Variants in TEC observed in about 807,000 individuals in gnomAD.
The protein encoded by TEC is tyrosine-protein kinase Tec.
In TEC, 72 loss-of-function variants were observed where a neutral mutation model predicts 93.0. The ratio of observed to expected loss-of-function variants is 0.77; its 90% confidence interval spans 0.64 to 0.94. The LOEUF is 0.94. TEC is among the 40% of genes least tolerant of loss of function. The pLI, the probability that TEC is intolerant of heterozygous loss-of-function variation, is 0.00. For missense variants in TEC, 630 were observed against 757.9 expected, an observed-to-expected ratio of 0.83 and a Z score of 1.98; for synonymous variants, 249 against 247.7, an observed-to-expected ratio of 1.01 and a Z score of -0.05.
At chr4:48,205,321 T>C (rs1313484344) in intron 2 of TEC, among the ~76,000 whole-genome samples, 1 of 152,196 alleles carries the variant, frequency 6.6e-6, no homozygotes, top group Non-Finnish European at 1.5e-5. Flanking sequence ...AGTCAGCTCA[T>C]GACAGCTCAT....
At chr4:48,215,121 C>T (rs1462407995) in intron 2 of TEC, among the ~76,000 whole-genome samples, 4 of 152,066 alleles carry the variant, frequency 2.6e-5, no homozygotes, top group Non-Finnish European at 5.9e-5. Flanking sequence ...CCATTGCACT[C>T]CAGCCTGGGC....
intron 2 of TEC, among the ~76,000 whole-genome samples, chr4:48,179,371 TA>T (rs1490364855): frequency 0.047 from 1,607 of 34,276 alleles, 40 homozygotes; most frequent in Non-Finnish European, 0.069. Context: ...TATATATATA[TA>T]TATATTTTTT....
At chr4:48,241,504 A>G (rs1723921948) in intron 1 of TEC, among the ~76,000 whole-genome samples, 1 of 152,144 alleles carries the variant, frequency 6.6e-6, no homozygotes, top group South Asian at 2.1e-4. Flanking sequence ...CAGCCTTCAA[A>G]TCATCTCAGC....
intron 1 of TEC, among the ~76,000 whole-genome samples, chr4:48,235,214 TG>T (rs1387154668): frequency 6.6e-6 from 1 of 152,176 alleles, no homozygotes; most frequent in Non-Finnish European, 1.5e-5. Context: ...ATGGTCTATT[TG>T]GGGATCTACC....
At chr4:48,148,241 T>C (rs968775641) in intron 11 of TEC, among the ~76,000 whole-genome samples, 13 of 152,306 alleles carry the variant, frequency 8.5e-5, no homozygotes, top group African/African-American at 2.6e-4. Context: ...GTGAGCTTTA[T>C]AGTATGTAAA....
chr4:48,212,073 T>C (rs1722918909), intron 2 of TEC, among the ~76,000 whole-genome samples: 1 of 136,456 alleles, frequency 7.3e-6, no homozygotes, highest in Admixed American at 8.3e-5. Context: ...CACTCTAGCT[T>C]GGGTGACAGA....
At chr4:48,193,316 A>G (rs955733797) in intron 2 of TEC, among the ~76,000 whole-genome samples, 3 of 151,886 alleles carry the variant, frequency 2.0e-5, no homozygotes, top group African/African-American at 7.3e-5. Flanking sequence ...TTTTGCTCAT[A>G]TTTTTTATCT....
At chr4:48,200,403 G>T (rs1474771020) in intron 2 of TEC, among the ~76,000 whole-genome samples, 1 of 152,164 alleles carries the variant, frequency 6.6e-6, no homozygotes, top group African/African-American at 2.4e-5. Context: ...ATAATTTCTT[G>T]TAGGGTTTTA....
At chr4:48,186,462 C>G (rs1163608391) in intron 2 of TEC, among the ~76,000 whole-genome samples, 2 of 150,350 alleles carry the variant, frequency 1.3e-5, no homozygotes, top group South Asian at 2.1e-4. Flanking sequence ...AGCGCCTCTG[C>G]CCCGCCGCCC....
At chr4:48,239,612 T>C (rs1336094002) in intron 1 of TEC, among the ~76,000 whole-genome samples, 2 of 152,212 alleles carry the variant, frequency 1.3e-5, no homozygotes, top group Non-Finnish European at 2.9e-5. Context: ...CCAATGTTTG[T>C]TCCTTGGCCA....
At chr4:48,166,493 T>C (rs1328744630) in intron 7 of TEC, among the ~76,000 whole-genome samples, 1 of 152,132 alleles carries the variant, frequency 6.6e-6, no homozygotes, top group African/African-American at 2.4e-5. Flanking sequence ...TTATTAAGAA[T>C]GATAATGACA....
chr4:48,223,267 T>C (rs1723325449), intron 2 of TEC, among the ~76,000 whole-genome samples: 2 of 152,168 alleles, frequency 1.3e-5, no homozygotes, highest in African/African-American at 4.8e-5. Flanking sequence ...AGAAAATTTT[T>C]TTAAAGAAGT....
At chr4:48,209,531 T>G (rs904345403) in intron 2 of TEC, among the ~76,000 whole-genome samples, 22 of 152,280 alleles carry the variant, frequency 1.4e-4, no homozygotes, top group African/African-American at 5.3e-4. Context: ...GAGGATGGCC[T>G]GAGCCCAGGA....
chr4:48,179,376 ATTTTTT>A (rs1159156668), intron 2 of TEC, among the ~76,000 whole-genome samples: 18 of 21,162 alleles, frequency 8.5e-4, no homozygotes, highest in East Asian at 5.1e-3. Context: ...ATATATATAT[ATTTTTT>A]TTTTTTTTTT....
At chr4:48,262,168 G>A (rs1724511019) in intron 1 of TEC, among the ~76,000 whole-genome samples, 2 of 144,448 alleles carry the variant, frequency 1.4e-5, no homozygotes, top group South Asian at 4.5e-4. Context: ...TTAGATTGTT[G>A]AGTACAACTT....
chr4:48,190,628 A>G (rs559566338), intron 2 of TEC, among the ~76,000 whole-genome samples: 1 of 152,256 alleles, frequency 6.6e-6, no homozygotes, highest in Non-Finnish European at 1.5e-5. Flanking sequence ...AAATAGAAAG[A>G]TAATCATAGA....
At chr4:48,138,280 A>G (rs1048833878) in intron 17 of TEC, among the ~76,000 whole-genome samples, 1 of 152,200 alleles carries the variant, frequency 6.6e-6, no homozygotes, top group African/African-American at 2.4e-5. Context: ...CAATACTTTC[A>G]AAGACCTCGG....
At chr4:48,144,169 T>C (rs1370812485) in intron 14 of TEC, among the ~76,000 whole-genome samples, 1 of 152,064 alleles carries the variant, frequency 6.6e-6, no homozygotes, top group Non-Finnish European at 1.5e-5. Flanking sequence ...GAGCCAAGAT[T>C]GCGCCACTGC....
intron 2 of TEC, among the ~76,000 whole-genome samples, chr4:48,224,506 A>G (rs950058049): frequency 5.3e-5 from 8 of 152,242 alleles, no homozygotes; most frequent in African/African-American, 1.9e-4. Context: ...CCCCGTGACT[A>G]GAAAGCAACA....
Sources: allele counts gnomAD v4.1 joint callset (sites outside exome capture counted in the v4.1 genomes callset), GRCh38; gene constraint gnomAD v4.1.1; transcripts MANE v1.5; gene names NCBI Gene and HGNC (gene_info 2026-07-23, HGNC 2026-07-21).